Variants in SLC30A8 observed in about 807,000 individuals in gnomAD.
SLC30A8 encodes proton-coupled zinc antiporter SLC30A8.
SLC30A8 carries 27 observed loss-of-function variants against 36.9 expected under a neutral mutation model. The observed-to-expected ratio is 0.73, with a 90% CI of 0.54 to 1.01. The LOEUF is 1.01. Among genes scored for constraint, SLC30A8 ranks in the 50% least tolerant of loss-of-function variants. SLC30A8 has a pLI of 0.00. For missense variants in SLC30A8, 439 were observed against 452.0 expected, an observed-to-expected ratio of 0.97 and a Z score of 0.26; for synonymous variants, 164 against 172.4, an observed-to-expected ratio of 0.95 and a Z score of 0.38.
chr8:116,952,136 A>G (rs375039710), intron 1 of SLC30A8, among the ~76,000 whole-genome samples: 1 of 152,126 alleles, frequency 6.6e-6, no homozygotes, highest in African/African-American at 2.4e-5. Flanking sequence ...CAAAGTCATC[A>G]TCTGTATTAG....
At chr8:117,081,266 G>A (rs372800428) in intron 2 of SLC30A8, among the ~76,000 whole-genome samples, 6 of 152,270 alleles carry the variant, frequency 3.9e-5, no homozygotes, top group South Asian at 2.1e-4. Flanking sequence ...CACAGACTGG[G>A]GCGCTTAAAT....
In SLC30A8 at chr8:117,070,671, T is replaced by C. The variant is rs1586467406; in HGVS notation, c.-226+31413T>C. On this transcript the variant is annotated intron_variant, in intron 2 of 10. Transcript: ENST00000427715. ...ACTTTAGTCATCCTGTTGTGCAATA[T>C]ATCTCAAAACCTATTCCCCTGTCTA... 2.0e-5 allele frequency among the ~76,000 whole-genome samples: 3 copies of C among 152,332 alleles called. No individual in the cohort carries two copies. In the South Asian group the frequency reaches 6.2e-4, roughly 32 times the overall value.
exon 1 of SLC30A8, chr8:116,950,955 A>G (rs1228361737): frequency 6.6e-6 from 1 of 152,216 alleles, no homozygotes; most frequent in Non-Finnish European, 1.5e-5. Context: ...ATTGAATTTT[A>G]AGAAGCATCA....
intron 2 of SLC30A8, among the ~76,000 whole-genome samples, chr8:117,057,526 C>T (rs1471873166): frequency 6.6e-6 from 1 of 152,092 alleles, no homozygotes; most frequent in Non-Finnish European, 1.5e-5. Context: ...AACATTTCCT[C>T]CAACCCCTAC....
intron 1 of SLC30A8, 84 bp downstream of exon 1, chr8:117,135,482 C>G (rs749304738): frequency 8.6e-5 from 93 of 1,080,254 alleles, no homozygotes; most frequent in Non-Finnish European, 1.1e-4. Context: ...GAATTGTAGG[C>G]CTTTACTCTG....
intron 2 of SLC30A8, among the ~76,000 whole-genome samples, chr8:117,050,791 G>T (rs905810249): frequency 3.3e-5 from 5 of 152,198 alleles, no homozygotes; most frequent in Non-Finnish European, 7.3e-5. Flanking sequence ...CTTAAAAAAG[G>T]AATGAAGTCA....
At chr8:117,001,361 A>T (rs922219576) in intron 1 of SLC30A8, among the ~76,000 whole-genome samples, 1 of 152,152 alleles carries the variant, frequency 6.6e-6, no homozygotes, top group African/African-American at 2.4e-5. Flanking sequence ...ATGGAAAGAA[A>T]CTAGGTCATT....
chr8:117,022,739 A>G (rs1816742134), intron 1 of SLC30A8, among the ~76,000 whole-genome samples: 2 of 152,356 alleles, frequency 1.3e-5, no homozygotes, highest in Admixed American at 1.3e-4. Context: ...AGATGGATCA[A>G]AGACTTAAAT....
intron 1 of SLC30A8, among the ~76,000 whole-genome samples, chr8:116,976,840 C>T (rs1380759888): frequency 8.3e-6 from 1 of 120,536 alleles, no homozygotes; most frequent in Non-Finnish European, 1.6e-5. Flanking sequence ...TTTTTTTTTA[C>T]AGAGTCTCTC....
intron 2 of SLC30A8, among the ~76,000 whole-genome samples, chr8:117,102,638 G>A (rs750021324): frequency 2.8e-4 from 43 of 152,214 alleles, no homozygotes; most frequent in East Asian, 2.1e-3. Flanking sequence ...CTTCTTCTTT[G>A]CTTCTTCTAG....
chr8:117,116,881 A>T (rs548549596), intron 2 of SLC30A8, among the ~76,000 whole-genome samples: 1 of 152,158 alleles, frequency 6.6e-6, no homozygotes, highest in East Asian at 1.9e-4. Context: ...GTATGAGTCA[A>T]GGTTATAGAA....
chr8:116,981,037 G>C (rs1189509909), intron 1 of SLC30A8, among the ~76,000 whole-genome samples: 1 of 152,168 alleles, frequency 6.6e-6, no homozygotes. Flanking sequence ...ACAAATTCAG[G>C]CAGGGCCCAT....
upstream of SLC30A8, among the ~76,000 whole-genome samples, chr8:117,133,473 A>C (rs192311631): frequency 2.6e-4 from 39 of 152,132 alleles, no homozygotes; most frequent in East Asian, 7.2e-3. Context: ...GCATGGAGGA[A>C]TCTCAAACTT....
At chr8:117,054,508 A>C (rs1586448982) in intron 2 of SLC30A8, among the ~76,000 whole-genome samples, 1 of 152,154 alleles carries the variant, frequency 6.6e-6, no homozygotes, top group African/African-American at 2.4e-5. Context: ...AATGGTATCC[A>C]GTTTGTCACC....
intron 1 of SLC30A8, among the ~76,000 whole-genome samples, chr8:117,012,432 C>T (rs1816373313): frequency 6.6e-6 from 1 of 151,720 alleles, no homozygotes; most frequent in Non-Finnish European, 1.5e-5. Flanking sequence ...AAAATGTGTC[C>T]CTACTGAACA....
In SLC30A8 at chr8:116,973,527, C is replaced by T. The variant is rs527241556; in HGVS notation, c.-266+22408C>T. On this transcript the variant is annotated intron_variant, in intron 1 of 10. Coordinates refer to the SLC30A8 transcript ENST00000427715. ...GGGAGAACTACAAACCGCTGCTCAA[C>T]GAAATAAAAGAGGACACAAACAAAT... is the stretch of plus-strand genomic sequence containing the variant. Among the ~76,000 whole-genome samples, 8 of 151,976 alleles carry T rather than the reference C, an allele frequency of 5.3e-5. No individual in the cohort carries two copies. In the South Asian group the frequency reaches 6.2e-4, roughly 12 times the overall value.
At chr8:117,043,202 A>C (rs1817443987) in intron 2 of SLC30A8, among the ~76,000 whole-genome samples, 1 of 152,234 alleles carries the variant, frequency 6.6e-6, no homozygotes. Context: ...CCCAGTTAGC[A>C]TGGAGCCTGT....
At chr8:116,970,229 A>C (rs1011512670) in intron 1 of SLC30A8, among the ~76,000 whole-genome samples, 7 of 152,122 alleles carry the variant, frequency 4.6e-5, no homozygotes, top group Non-Finnish European at 1.0e-4. Flanking sequence ...CATCAATATC[A>C]TTGTCTTCCA....
intron 2 of SLC30A8, among the ~76,000 whole-genome samples, chr8:117,073,130 G>A (rs1818381079): frequency 6.6e-6 from 1 of 152,014 alleles, no homozygotes; most frequent in Non-Finnish European, 1.5e-5. Flanking sequence ...GTTGAAAAAT[G>A]TTCATTTTCC....
Sources: allele counts gnomAD v4.1 joint callset (sites outside exome capture counted in the v4.1 genomes callset), GRCh38; gene constraint gnomAD v4.1.1; transcripts MANE v1.5; gene names NCBI Gene and HGNC (gene_info 2026-07-23, HGNC 2026-07-21).